Variants in PIWIL4 observed in about 807,000 individuals in gnomAD.
The protein encoded by PIWIL4 is piwi-like protein 4.
In PIWIL4, 50 loss-of-function variants were observed where a neutral mutation model predicts 100.9. That is an observed-to-expected ratio of 0.50 (90% CI 0.39 to 0.63). PIWIL4 has a LOEUF of 0.63. PIWIL4 is among the 20% of genes least tolerant of loss of function. PIWIL4 has a pLI of 0.00. For missense variants in PIWIL4, 887 were observed against 1,043.3 expected (o/e 0.85, Z 2.06); for synonymous variants, 342 against 367.5 (o/e 0.93, Z 0.79).
chr11:94,617,760 A>G (rs981641284), intron 16 of PIWIL4, 194 bp from the exon 17 acceptor site: 2 of 529,628 alleles, frequency 3.8e-6, no homozygotes, highest in Non-Finnish European at 6.6e-6. Flanking sequence ...GATTCCTTGA[A>G]TAGCAGAGAC....
chr11:94,606,622 C>G (rs532839769), intron 13 of PIWIL4, among the ~76,000 whole-genome samples: 1 of 152,214 alleles, frequency 6.6e-6, no homozygotes, highest in Admixed American at 6.5e-5. Flanking sequence ...ATCACAAGGT[C>G]AGGCATTTGA....
At chr11:94,600,143 C>T (rs1565278928) in intron 11 of PIWIL4, among the ~76,000 whole-genome samples, 1 of 152,094 alleles carries the variant, frequency 6.6e-6, no homozygotes. Flanking sequence ...CCCTCTTCAG[C>T]GCAGGAAACC....
chr11:94,575,189 C>T lies in PIWIL4; in HGVS notation c.298+59C>T, dbSNP rs1374259065. ...TTACCAAATCTTGCTTAAGGACTTCCAAATTCTAGGTCTAAAATAAATAAG... is the reference window on the plus strand; with the variant it reads ...TTACCAAATCTTGCTTAAGGACTTCTAAATTCTAGGTCTAAAATAAATAAG... On this transcript the variant is annotated intron_variant, in intron 3 of 19. Transcript: ENST00000299001. 8 of 1,533,180 alleles carry T rather than the reference C, an allele frequency of 5.2e-6. No homozygotes were observed. The African/African-American group carries it at 1.1e-4, about 21-fold the overall frequency. The allele number at this position is 1,533,180 out of a possible 1,614,324, so 95.0% of individuals were successfully genotyped here. A position where few individuals can be genotyped will look rare whatever the true frequency, so the allele number is the denominator to read the frequency against.
intron 4 of PIWIL4, among the ~76,000 whole-genome samples, chr11:94,580,937 C>T (rs1046772068): frequency 7.6e-5 from 9 of 118,790 alleles, no homozygotes; most frequent in African/African-American, 1.6e-4. Context: ...TTGCTCTTGT[C>T]GCCCAGGCTG....
Position 94,620,111 on chromosome 11 carries a change from A to C in PIWIL4, c.2409A>C (p.Thr803=). The change falls in exon 19 of 20, where the codon ACA becomes ACC. Residue 803 remains threonine, a synonymous_variant. Transcript: ENST00000299001. ...AGCCCGACCATATGCAGAGACTTAC[A>C]TTCAAATTGTGCCACCTGTACTACA... ...GLKPDHMQRL[T]FKLCHLYYNW... 2 of 1,610,080 alleles carry C rather than the reference A, an allele frequency of 1.2e-6. No individual in the cohort carries two copies. Among genetic ancestry groups the C allele is most frequent in the African/African-American group, 1.3e-5 (1 of 74,884 alleles).
intron 13 of PIWIL4, among the ~76,000 whole-genome samples, chr11:94,606,244 A>G (rs1461789713): frequency 2.0e-5 from 3 of 152,160 alleles, no homozygotes; most frequent in Admixed American, 2.0e-4. Context: ...TTGTTCTACC[A>G]CTTTTCTTGC....
intron 11 of PIWIL4, among the ~76,000 whole-genome samples, chr11:94,599,913 C>T (rs760550877): frequency 3.9e-5 from 6 of 152,072 alleles, no homozygotes; most frequent in Non-Finnish European, 7.4e-5. Context: ...CAGTGGGTCT[C>T]GGGTGGTGCA....
chr11:94,608,486 A>C, intron 14 of PIWIL4, 97 bp from the exon 15 acceptor site: 1 of 982,216 alleles, frequency 1.0e-6, no homozygotes, highest in Non-Finnish European at 1.6e-6. Flanking sequence ...TTAAGAATTC[A>C]GTAACTGGAG....
chr11:94,588,823 G>A (rs1948440192), intron 7 of PIWIL4, among the ~76,000 whole-genome samples: 1 of 152,196 alleles, frequency 6.6e-6, no homozygotes, highest in African/African-American at 2.4e-5. Context: ...GAACATTTAA[G>A]AATGATTTAC....
In PIWIL4 at chr11:94,587,135, C is replaced by T. The variant is rs139701137; in HGVS notation, c.802C>T (p.Leu268Phe). Residue 268 changes from leucine (L) to phenylalanine (F), a missense_variant, in exon 7 of 20, where the codon CTC becomes TTC. By Grantham distance (22) the Leu-to-Phe change is conservative. Coordinates refer to ENST00000299001, the MANE Select transcript of PIWIL4 (RefSeq NM_152431.3). ...LFSADVSYKV[L>F]RNETVLEFMT... ...TAGTGCTGATGTGAGTTACAAAGTC[C>T]TCCGGAATGAGACGGTTCTGGAATT... is the stretch of plus-strand genomic sequence containing the variant. 988 of 1,613,840 alleles carry T rather than the reference C, an allele frequency of 6.1e-4. 1 individual carries two copies. The highest frequency in any genetic ancestry group is 8.1e-4 in the Non-Finnish European group (953 of 1,179,952).
intron 13 of PIWIL4, among the ~76,000 whole-genome samples, chr11:94,606,172 C>A (rs901487877): frequency 1.3e-5 from 2 of 152,172 alleles, no homozygotes; most frequent in African/African-American, 2.4e-5. Context: ...ACTTGTCCAG[C>A]CCCTGGTGTG....
At chr11:94,606,727 G>A (rs1394819107) in intron 13 of PIWIL4, among the ~76,000 whole-genome samples, 6 of 151,888 alleles carry the variant, frequency 4.0e-5, no homozygotes, top group African/African-American at 1.5e-4. Context: ...CCAGCTACTC[G>A]GGAGGCTGAG....
Position 94,612,382 on chromosome 11 carries a change from T to A in PIWIL4, c.1943+3696T>A, listed in dbSNP as rs901423639. Among the ~76,000 whole-genome samples, 193 of 151,856 alleles carry A rather than the reference T, an allele frequency of 1.3e-3. 13 individuals are homozygous for A. Among genetic ancestry groups the A allele is most frequent in the South Asian group, 4.1e-4 (2 of 4,832 alleles). The stretch of plus-strand genomic sequence containing the variant: ...TAGCTACCCCTGCTCTCTATTGGTT[T>A]CCATTTGCATGGAATATTTTTTCTA... On this transcript the variant is annotated intron_variant, in intron 15 of 19. Coordinates refer to ENST00000299001, the MANE Select transcript of PIWIL4 (RefSeq NM_152431.3).
At chr11:94,600,156 T>G (rs930728502) in intron 11 of PIWIL4, among the ~76,000 whole-genome samples, 1 of 152,110 alleles carries the variant, frequency 6.6e-6, no homozygotes, top group Non-Finnish European at 1.5e-5. Flanking sequence ...AGGAAACCTG[T>G]TTTTCCTGGT....
At chr11:94,583,620 A>T (rs763599078) in intron 5 of PIWIL4, 51 bp downstream of exon 5, 1 of 1,606,638 alleles carries the variant, frequency 6.2e-7, no homozygotes, top group East Asian at 2.2e-5. Context: ...ACCTTTCAGC[A>T]TAGAGCCTGG....
At chr11:94,587,434 C>A (rs1448722712) in intron 7 of PIWIL4, among the ~76,000 whole-genome samples, 187 bp downstream of exon 7, 1 of 152,218 alleles carries the variant, frequency 6.6e-6, no homozygotes, top group Non-Finnish European at 1.5e-5. Flanking sequence ...GGACTGTCCA[C>A]AAGCTCCAAA....
chr11:94,598,569 C>A (rs974929418), intron 11 of PIWIL4, among the ~76,000 whole-genome samples: 1 of 152,118 alleles, frequency 6.6e-6, no homozygotes, highest in Non-Finnish European at 1.5e-5. Context: ...GTTTTGCCCA[C>A]TTTAAAACAC....
At chr11:94,593,472 G>A (rs372326433) in intron 8 of PIWIL4, 46 bp from the exon 9 acceptor site, 65 of 1,583,576 alleles carry the variant, frequency 4.1e-5, no homozygotes, top group African/African-American at 2.7e-4. Flanking sequence ...CTCACCTGGC[G>A]GTGCTTCCAT....
In PIWIL4 at chr11:94,601,860, G is replaced by A; in HGVS notation, c.1446G>A (p.Gln482=). ...GAACTTGCAAGATTTTAAATGCACAGTCTTTGAATACCTGGTTGATTTTAT... is the reference window on the plus strand; with the variant it reads ...GAACTTGCAAGATTTTAAATGCACAATCTTTGAATACCTGGTTGATTTTAT... ...DIRTCKILNA[Q]SLNTWLILCS... is the part of the protein sequence containing the mutation. Residue 482 remains glutamine (Q), a synonymous_variant, in exon 12 of 20, where the codon CAG becomes CAA. Transcript: ENST00000299001. 6.2e-7 allele frequency: 1 copy of A among 1,614,076 alleles called. No individual in the cohort carries two copies. Among genetic ancestry groups the A allele is most frequent in the Non-Finnish European group, 8.5e-7 (1 of 1,179,958 alleles).
Sources: allele counts gnomAD v4.1 joint callset (sites outside exome capture counted in the v4.1 genomes callset), GRCh38; gene constraint gnomAD v4.1.1; transcripts MANE v1.5; gene names NCBI Gene and HGNC (gene_info 2026-07-23, HGNC 2026-07-21).